The following CACNA1C variants were observed in gnomAD, a reference collection of about 807,000 sequenced individuals.
CACNA1C encodes the protein voltage-dependent L-type calcium channel subunit alpha-1C.
CACNA1C carries 30 observed loss-of-function variants against 229.0 expected under a neutral mutation model. The observed-to-expected ratio is 0.13, with a 90% confidence interval of 0.10 to 0.18. The LOEUF (loss-of-function observed/expected upper bound fraction) is 0.18, where lower values mean the gene tolerates loss of function less well. Among genes scored for constraint, CACNA1C ranks in the 10% least tolerant of loss-of-function variants. CACNA1C has a pLI of 1.00. For missense variants in CACNA1C, 1,658 were observed against 2,845.0 expected (o/e 0.58, Z 9.49); for synonymous variants, 1,114 against 1,132.5 (o/e 0.98, Z 0.33).
intron 1 of CACNA1C, among the ~76,000 whole-genome samples, chr12:2,091,478 A>G (rs1027848987): frequency 6.6e-6 from 1 of 152,200 alleles, no homozygotes; most frequent in South Asian, 2.1e-4. Flanking sequence ...TACCTTTTCC[A>G]GCTCTAGAGA....
At chr12:2,238,466 G>A (rs1051795474) in intron 3 of CACNA1C, among the ~76,000 whole-genome samples, 11 of 152,212 alleles carry the variant, frequency 7.2e-5, no homozygotes, top group African/African-American at 2.7e-4. Flanking sequence ...AAAGGTTTGG[G>A]AATTGGGGAA....
chr12:2,651,592 C>G lies in CACNA1C; in HGVS notation c.3946-48C>G. 6.2e-7 allele frequency: 1 copy of G among 1,613,730 alleles called. No individual in the cohort carries two copies. The highest frequency in any genetic ancestry group is 8.5e-7 in the Non-Finnish European group (1 of 1,179,742). ...CTCGGAGGGGCCCTCCTGTTCTCAC[C>G]CCCCTCTTGCTGTGCTAACTGCACC... On this transcript the variant is annotated intron_variant, in intron 31 of 46. Transcript: ENST00000399655. This position sits in a 1 kb window ranked among gnomAD's most constrained non-coding sequence, Gnocchi z 5.4.
At chr12:2,645,741 T>A (rs987605793) in intron 30 of CACNA1C, among the ~76,000 whole-genome samples, 3 of 152,112 alleles carry the variant, frequency 2.0e-5, no homozygotes, top group African/African-American at 7.2e-5. Flanking sequence ...TCATCGCGAG[T>A]GGTTATTCAT....
chr12:2,640,920 T>C (rs2093616792), intron 30 of CACNA1C, among the ~76,000 whole-genome samples: 1 of 152,234 alleles, frequency 6.6e-6, no homozygotes, highest in African/African-American at 2.4e-5. Flanking sequence ...CAGCTCAGCC[T>C]GCACGACTCC....
intron 3 of CACNA1C, among the ~76,000 whole-genome samples, chr12:2,393,583 A>C (rs2098523806): frequency 6.6e-6 from 1 of 152,228 alleles, no homozygotes; most frequent in African/African-American, 2.4e-5. Context: ...CTCTGTTTCT[A>C]GTCTGCAAAA....
intron 9 of CACNA1C, among the ~76,000 whole-genome samples, chr12:2,518,956 A>C (rs1045938020): frequency 1.3e-5 from 2 of 152,200 alleles, no homozygotes; most frequent in African/African-American, 4.8e-5. Context: ...CTGGAGCCCA[A>C]GGTGGGAAAC....
intron 11 of CACNA1C, among the ~76,000 whole-genome samples, chr12:2,560,934 G>A (rs11062276): frequency 0.047 from 7,089 of 149,812 alleles, 536 homozygotes; most frequent in African/African-American, 0.16. Context: ...TGTTGTCGAC[G>A]ATTCCAGATG....
intron 3 of CACNA1C, among the ~76,000 whole-genome samples, chr12:2,229,123 T>C (rs2063924672): frequency 6.6e-6 from 1 of 152,150 alleles, no homozygotes; most frequent in Non-Finnish European, 1.5e-5. Flanking sequence ...GATTTGGAGT[T>C]CTGAAGAGCA....
rs1042912861 is a variant in CACNA1C at position 2,389,827 on chromosome 12, A to G, written c.478-59149A>G. On this transcript the variant is annotated intron_variant, in intron 3 of 46. Transcript: ENST00000399655. ...ACCCTCGTTCTTCCAACCCTCCGGC[A>G]CCGAATCCCTCCTTTCACTCCCTCT... is the stretch of plus-strand genomic sequence containing the variant. 3.9e-5 allele frequency among the ~76,000 whole-genome samples: 6 copies of G among 152,024 alleles called. No homozygotes were observed. In the East Asian group the frequency reaches 1.2e-3, roughly 29 times the overall value.
At chr12:2,564,712 C>G (rs1025933714) in intron 11 of CACNA1C, among the ~76,000 whole-genome samples, 1 of 152,152 alleles carries the variant, frequency 6.6e-6, no homozygotes, top group Non-Finnish European at 1.5e-5. Context: ...TCTGCACATC[C>G]GCTCATCTCA....
At chr12:2,384,176 C>T (rs960301855) in intron 3 of CACNA1C, among the ~76,000 whole-genome samples, 13 of 152,242 alleles carry the variant, frequency 8.5e-5, no homozygotes, top group South Asian at 4.1e-4. Context: ...CAAGTTTTCT[C>T]GCAGGTGACT....
chr12:1,993,363 T>C, intron 1 of CACNA1C: 4 of 1,613,208 alleles, frequency 2.5e-6, no homozygotes, highest in Non-Finnish European at 3.4e-6. Context: ...CTATTCATAA[T>C]GGTGAATCCA....
At chr12:2,172,043 T>G (rs2096503494) in intron 3 of CACNA1C, among the ~76,000 whole-genome samples, 1 of 152,206 alleles carries the variant, frequency 6.6e-6, no homozygotes, top group Admixed American at 6.5e-5. Flanking sequence ...GGGTTGTTCC[T>G]GCTTTGGACC....
At chr12:2,187,637 G>A (rs771728519) in intron 3 of CACNA1C, among the ~76,000 whole-genome samples, 10 of 152,358 alleles carry the variant, frequency 6.6e-5, no homozygotes, top group South Asian at 2.1e-4. Context: ...GTCAGTGACC[G>A]ACAGGCCAGA....
At chr12:2,435,088 T>C (rs1463469077) in intron 3 of CACNA1C, among the ~76,000 whole-genome samples, 1 of 152,116 alleles carries the variant, frequency 6.6e-6, no homozygotes, top group Non-Finnish European at 1.5e-5. Flanking sequence ...GGGCAGAGGC[T>C]TTCCCCCACC....
At chr12:2,277,699 G>A (rs1227858554) in intron 3 of CACNA1C, among the ~76,000 whole-genome samples, 1 of 152,154 alleles carries the variant, frequency 6.6e-6, no homozygotes, top group African/African-American at 2.4e-5. Context: ...ACATCCGAAG[G>A]AGCTGAGGAA....
At chr12:2,135,625 CA>C in intron 3 of CACNA1C, among the ~76,000 whole-genome samples, 1 of 140,598 alleles carries the variant, frequency 7.1e-6, no homozygotes, top group East Asian at 2.0e-4. Flanking sequence ...GCTCAGGGGT[CA>C]GGGGTCAGGG....
chr12:2,466,363 T>C (rs2099550722), intron 5 of CACNA1C, among the ~76,000 whole-genome samples: 2 of 152,320 alleles, frequency 1.3e-5, no homozygotes, highest in Non-Finnish European at 2.9e-5. Context: ...GCAGCAGGCA[T>C]GGTCCCTGCA....
At chr12:2,660,284 G>C (rs1038317273) in intron 34 of CACNA1C, 2 of 152,188 alleles carry the variant, frequency 1.3e-5, no homozygotes, top group Admixed American at 6.5e-5. Context: ...AAAAAGATGG[G>C]GGGGAGAGAA....
Sources: allele counts gnomAD v4.1 joint callset (sites outside exome capture counted in the v4.1 genomes callset), GRCh38; gene constraint gnomAD v4.1.1; non-coding constraint Gnocchi (gnomAD v3.1); transcripts MANE v1.5; gene names NCBI Gene and HGNC (gene_info 2026-07-23, HGNC 2026-07-21).